Variants in SORBS2 observed in about 807,000 individuals in gnomAD.
SORBS2 encodes the protein sorbin and SH3 domain containing 2.
A neutral mutation model predicts 97.7 loss-of-function variants in SORBS2; 46 were observed. The ratio of observed to expected loss-of-function variants is 0.47; its 90% confidence interval spans 0.37 to 0.60. SORBS2 has a LOEUF of 0.60. Among genes scored for constraint, SORBS2 ranks in the 20% least tolerant of loss-of-function variants. SORBS2 has a pLI of 0.00. For synonymous variants in SORBS2, 476 were observed against 473.4 expected, an observed-to-expected ratio of 1.01 and a Z score of -0.07; for missense variants, 1,316 against 1,282.3, an observed-to-expected ratio of 1.03 and a Z score of -0.40.
intron 2 of SORBS2, among the ~76,000 whole-genome samples, chr4:185,767,757 T>C (rs1483139984): frequency 6.6e-6 from 1 of 152,144 alleles, no homozygotes; most frequent in Non-Finnish European, 1.5e-5. Flanking sequence ...CTCTTCTCAG[T>C]TACATCTGTG....
At chr4:185,802,963 T>C (rs1025711081) in intron 1 of SORBS2, among the ~76,000 whole-genome samples, 1 of 152,220 alleles carries the variant, frequency 6.6e-6, no homozygotes, top group Admixed American at 6.5e-5. Flanking sequence ...TCTCCAATGC[T>C]TTGCTTTTGG....
chr4:185,830,060 T>C (rs1171151718), intron 1 of SORBS2, among the ~76,000 whole-genome samples: 2 of 152,240 alleles, frequency 1.3e-5, no homozygotes, highest in African/African-American at 4.8e-5. Context: ...CCAGGTATGA[T>C]ATAGTGTTAA....
intron 1 of SORBS2, among the ~76,000 whole-genome samples, chr4:185,826,953 A>T (rs573700662): frequency 6.6e-6 from 1 of 152,152 alleles, no homozygotes; most frequent in East Asian, 1.9e-4. Flanking sequence ...GGACAATGCA[A>T]GTGACATGCA....
At position 185,869,696 on chromosome 4, in the gene SORBS2, A is replaced by G. The variant is rs192596609; in HGVS notation, c.-338+86500T>C. ...AATGGGGTTCTCTTACTAAGAAAGG[A>G]AATTTGAGTTTGGGTAGGCAAGTGG... On this transcript the variant is annotated intron_variant, in intron 1 of 20. Coordinates refer to the SORBS2 transcript ENST00000284776. 9.0e-4 allele frequency among the ~76,000 whole-genome samples: 137 copies of G among 152,340 alleles called. 2 individuals are homozygous for G. Among genetic ancestry groups the G allele is most frequent in the Admixed American group, 4.1e-3 (62 of 15,302 alleles).
At chr4:185,808,278 C>T (rs866044270) in intron 1 of SORBS2, among the ~76,000 whole-genome samples, 1 of 151,986 alleles carries the variant, frequency 6.6e-6, no homozygotes, top group African/African-American at 2.4e-5. Flanking sequence ...ATTTTACTTT[C>T]TAATCCCAAA....
chr4:185,669,261 G>T (rs1440987609), intron 4 of SORBS2, among the ~76,000 whole-genome samples: 1 of 152,212 alleles, frequency 6.6e-6, no homozygotes, highest in Admixed American at 6.5e-5. Flanking sequence ...TCAAGCCCGT[G>T]TTGGATGACA....
intron 12 of SORBS2, among the ~76,000 whole-genome samples, chr4:185,610,519 A>C (rs959053059): frequency 1.3e-5 from 2 of 152,160 alleles, no homozygotes; most frequent in African/African-American, 4.8e-5. Context: ...TTTGCAACTG[A>C]AACTCAGTCT....
chr4:185,948,158 C>T (rs1034010526), intron 1 of SORBS2, among the ~76,000 whole-genome samples: 2 of 152,152 alleles, frequency 1.3e-5, no homozygotes, highest in Non-Finnish European at 2.9e-5. Context: ...GATGCAGCTT[C>T]TCTCTGTTCT....
At chr4:185,589,054 C>T (rs1303358268) in intron 14 of SORBS2, 2 of 152,428 alleles carry the variant, frequency 1.3e-5, no homozygotes, top group African/African-American at 2.4e-5. Flanking sequence ...CATTCTCTGC[C>T]CTGCAGCCTG....
chr4:185,789,096 G>A (rs2099069179), intron 1 of SORBS2, among the ~76,000 whole-genome samples: 1 of 152,180 alleles, frequency 6.6e-6, no homozygotes, highest in South Asian at 2.1e-4. Context: ...TGGGGCGTTT[G>A]ACTTACAGAT....
intron 1 of SORBS2, among the ~76,000 whole-genome samples, chr4:185,895,396 C>T (rs553278069): frequency 1.9e-4 from 29 of 152,342 alleles, no homozygotes; most frequent in South Asian, 6.2e-4. Context: ...TCCTCATAAC[C>T]GAAGCTCGAC....
At chr4:185,781,212 C>T (rs1464614822) in intron 1 of SORBS2, among the ~76,000 whole-genome samples, 2 of 152,232 alleles carry the variant, frequency 1.3e-5, no homozygotes, top group East Asian at 1.9e-4. Context: ...GCTGAAATTA[C>T]AGGCATGAGC....
At chr4:185,647,197 T>C (rs780218543) in intron 3 of SORBS2, among the ~76,000 whole-genome samples, 1 of 152,104 alleles carries the variant, frequency 6.6e-6, no homozygotes. Flanking sequence ...GTCATGTGGG[T>C]TGGCGTGCAC....
intron 2 of SORBS2, among the ~76,000 whole-genome samples, chr4:185,730,369 G>C (rs369736378): frequency 6.8e-6 from 1 of 146,878 alleles, no homozygotes. Context: ...ATCATCTGGA[G>C]AGTGGGTTGA....
chr4:185,742,203 CT>C (rs2098731811), intron 2 of SORBS2, among the ~76,000 whole-genome samples: 1 of 152,238 alleles, frequency 6.6e-6, no homozygotes, highest in Non-Finnish European at 1.5e-5. Context: ...TTTTTCAAGG[CT>C]GTTGGCTGGC....
rs559260674 is a variant in SORBS2 at position 185,853,111 on chromosome 4, A to G, written c.-337-77745T>C. Among the ~76,000 whole-genome samples the G allele has an allele frequency of 1.3e-4, 20 of 152,256 alleles. 1 individual carries two copies. The highest frequency in any genetic ancestry group is 1.3e-3 in the Admixed American group (20 of 15,290). ...TTCTCCCTGCACATGTCTAGTGGTG[A>G]CCCTGAGCTGGCTTCTCAGTGCCAT... is the stretch of plus-strand genomic sequence containing the variant. On this transcript the variant is annotated intron_variant, in intron 1 of 20. Transcript: ENST00000284776.
chr4:185,606,809 C>T lies in SORBS2; in HGVS notation c.2796+4971G>A, dbSNP rs2096433139. The T allele has an allele frequency of 2.0e-6, 2 of 985,256 alleles. No homozygotes were observed. The highest frequency in any genetic ancestry group is 3.5e-5 in the African/African-American group (2 of 57,208). The allele number at this position is 985,256 out of a possible 1,614,324, so 61.0% of individuals were successfully genotyped here. A position where few individuals can be genotyped will look rare whatever the true frequency, so the allele number is the denominator to read the frequency against. ...CCTGACACAATCCCCTCATAGATGC[C>T]CTCATCTTCCTCTCCAATGACCGGA... On this transcript the variant is annotated intron_variant, in intron 12 of 14. Transcript: ENST00000418609. The surrounding 1 kb of genome is among the most constrained non-coding windows in gnomAD (Gnocchi z 4.3).
intron 1 of SORBS2, among the ~76,000 whole-genome samples, chr4:185,882,337 T>C (rs1021385116): frequency 2.0e-5 from 3 of 152,200 alleles, no homozygotes; most frequent in South Asian, 2.1e-4. Context: ...AAAAGTATTA[T>C]GTAAAACAAC....
intron 1 of SORBS2, among the ~76,000 whole-genome samples, chr4:185,902,728 T>C (rs148744412): frequency 6.6e-6 from 1 of 151,890 alleles, no homozygotes; most frequent in East Asian, 1.9e-4. Context: ...GCAACATGCA[T>C]GTTCAGTCCT....
Sources: allele counts gnomAD v4.1 joint callset (sites outside exome capture counted in the v4.1 genomes callset), GRCh38; gene constraint gnomAD v4.1.1; non-coding constraint Gnocchi (gnomAD v3.1); transcripts MANE v1.5; gene names NCBI Gene and HGNC (gene_info 2026-07-23, HGNC 2026-07-21).